PLCXD3: variants seen among roughly 807,000 people sequenced by gnomAD.
The protein encoded by PLCXD3 is PI-PLC X domain-containing protein 3.
A neutral mutation model predicts 25.5 loss-of-function variants in PLCXD3; 19 were observed. The observed-to-expected ratio is 0.75, with a 90% CI of 0.52 to 1.09. The LOEUF (loss-of-function observed/expected upper bound fraction) is 1.09, where lower values mean the gene tolerates loss of function less well. Among genes scored for constraint, PLCXD3 ranks in the 50% least tolerant of loss-of-function variants. The pLI, the probability that PLCXD3 is intolerant of heterozygous loss-of-function variation, is 0.00. For synonymous variants in PLCXD3, 174 were observed against 137.6 expected (o/e 1.26, Z -1.85); for missense variants, 411 against 388.1 (o/e 1.06, Z -0.50).
chr5:41,481,808 C>T (rs971218318), intron 1 of PLCXD3, among the ~76,000 whole-genome samples: 10 of 152,222 alleles, frequency 6.6e-5, no homozygotes, highest in African/African-American at 2.2e-4. Context: ...AGCCTCCTTC[C>T]CTTCTCCCAC....
intron 1 of PLCXD3, among the ~76,000 whole-genome samples, chr5:41,415,465 G>T (rs1037661986): frequency 4.6e-5 from 7 of 152,250 alleles, no homozygotes; most frequent in African/African-American, 1.4e-4. Flanking sequence ...ATCTAGATTA[G>T]AAAATCCACT....
intron 2 of PLCXD3, among the ~76,000 whole-genome samples, chr5:41,330,866 G>T (rs1201252536): frequency 1.3e-5 from 2 of 152,174 alleles, no homozygotes; most frequent in Non-Finnish European, 2.9e-5. Context: ...CTCAATAGAT[G>T]CAGAAAAGAC....
chr5:41,435,581 T>G (rs1051723692), intron 1 of PLCXD3, among the ~76,000 whole-genome samples: 58 of 152,332 alleles, frequency 3.8e-4, no homozygotes, highest in African/African-American at 1.3e-3. Flanking sequence ...TGGAAAAGTC[T>G]GCTGGCCTCT....
At chr5:41,325,517 T>C (rs1374006592) in intron 2 of PLCXD3, among the ~76,000 whole-genome samples, 1 of 152,244 alleles carries the variant, frequency 6.6e-6, no homozygotes, top group Non-Finnish European at 1.5e-5. Context: ...GAAATTTTAA[T>C]ACTACAGATA....
chr5:41,471,037 A>G (rs1275562801), intron 1 of PLCXD3, among the ~76,000 whole-genome samples: 2 of 152,168 alleles, frequency 1.3e-5, no homozygotes, highest in African/African-American at 4.8e-5. Context: ...ATCATAGATA[A>G]CTGATGACTT....
At chr5:41,463,453 G>T (rs919734452) in intron 1 of PLCXD3, among the ~76,000 whole-genome samples, 1 of 151,892 alleles carries the variant, frequency 6.6e-6, no homozygotes, top group African/African-American at 2.4e-5. Flanking sequence ...CCTTCCAAAG[G>T]CTTCATCTTT....
In PLCXD3 at chr5:41,310,096, T is replaced by G. The variant is rs1013758833; in HGVS notation, c.*3521A>C. ...TAATACATTCACTGTTAGGTGGCAC[T>G]CCATGAAAAGTAAGTTTTCCCAGTA... On this transcript the variant is annotated 3_prime_UTR_variant, in exon 3 of 3. Transcript: ENST00000377801. 6 of 152,146 alleles carry G rather than the reference T, an allele frequency of 3.9e-5. No individual in the cohort carries two copies. The highest frequency in any genetic ancestry group is 7.2e-5 in the African/African-American group (3 of 41,446). 9.4% of individuals were successfully genotyped at this position (152,146 alleles called of 1,614,324 possible).
intron 2 of PLCXD3, among the ~76,000 whole-genome samples, chr5:41,373,484 C>A (rs1045779287): frequency 6.6e-6 from 1 of 152,142 alleles, no homozygotes; most frequent in South Asian, 2.1e-4. Context: ...GTATACTTAG[C>A]TAACCCATTC....
intron 1 of PLCXD3, among the ~76,000 whole-genome samples, chr5:41,415,299 G>A (rs145877613): frequency 6.6e-6 from 1 of 152,276 alleles, no homozygotes; most frequent in Non-Finnish European, 1.5e-5. Context: ...CAGAAGTTTT[G>A]TATTTTACTG....
intron 1 of PLCXD3, among the ~76,000 whole-genome samples, chr5:41,384,823 T>C (rs558887050): frequency 6.6e-6 from 1 of 152,172 alleles, no homozygotes. Flanking sequence ...AAGGGAATGT[T>C]AAAAATAAAA....
chr5:41,410,641 C>G (rs553178257), intron 1 of PLCXD3, among the ~76,000 whole-genome samples: 3 of 152,156 alleles, frequency 2.0e-5, no homozygotes, highest in Non-Finnish European at 4.4e-5. Flanking sequence ...GAAGGAGGCT[C>G]AAGTGTAGGG....
intron 2 of PLCXD3, among the ~76,000 whole-genome samples, chr5:41,376,345 T>A (rs1745296182): frequency 6.6e-6 from 1 of 152,132 alleles, no homozygotes; most frequent in Non-Finnish European, 1.5e-5. Flanking sequence ...TTTAAACTGG[T>A]GGCTTCTTCT....
intron 2 of PLCXD3, among the ~76,000 whole-genome samples, chr5:41,318,260 C>G (rs1275384463): frequency 6.6e-6 from 1 of 152,122 alleles, no homozygotes; most frequent in Non-Finnish European, 1.5e-5. Context: ...ACAAAACTTA[C>G]TGGTAATGGT....
intron 2 of PLCXD3, among the ~76,000 whole-genome samples, chr5:41,360,149 A>G (rs1744732468): frequency 1.3e-5 from 2 of 151,906 alleles, no homozygotes; most frequent in Non-Finnish European, 1.5e-5. Context: ...TTTCTAGTAC[A>G]TTTTGCATTT....
chr5:41,467,885 C>A (rs1167087833), intron 1 of PLCXD3, among the ~76,000 whole-genome samples: 6 of 151,900 alleles, frequency 3.9e-5, no homozygotes, highest in Non-Finnish European at 8.8e-5. Context: ...TGGGTTAGGA[C>A]CTTGGTTTTC....
chr5:41,495,160 G>A (rs947784494), intron 1 of PLCXD3, among the ~76,000 whole-genome samples: 8 of 152,246 alleles, frequency 5.3e-5, no homozygotes, highest in African/African-American at 1.9e-4. Flanking sequence ...ATGCAATTGG[G>A]AAGAAACTTT....
intron 1 of PLCXD3, among the ~76,000 whole-genome samples, chr5:41,386,839 T>C (rs771892263): frequency 4.6e-5 from 7 of 151,938 alleles, no homozygotes; most frequent in Admixed American, 3.9e-4. Context: ...CCTGAAAATA[T>C]AGTTGCCATT....
At chr5:41,464,581 T>TA (rs1358969905) in intron 1 of PLCXD3, among the ~76,000 whole-genome samples, 2 of 151,944 alleles carry the variant, frequency 1.3e-5, no homozygotes, top group East Asian at 1.9e-4. Flanking sequence ...TAAAGTATAA[T>TA]AAAAAAATTG....
intron 1 of PLCXD3, among the ~76,000 whole-genome samples, chr5:41,431,006 T>C (rs1747086014): frequency 6.6e-6 from 1 of 152,158 alleles, no homozygotes; most frequent in Non-Finnish European, 1.5e-5. Flanking sequence ...TTTGACAAAA[T>C]TGTCTTGGAA....
Sources: gnomAD v4.1 joint callset for allele counts (sites outside exome capture counted in the v4.1 genomes callset) on GRCh38, gnomAD v4.1.1 for gene constraint, MANE v1.5 for transcripts, NCBI Gene and HGNC (gene_info 2026-07-23, HGNC 2026-07-21) for gene names.